The following TOX variants were observed in gnomAD, a reference collection of about 807,000 sequenced individuals.
TOX encodes the protein thymocyte selection-associated high mobility group box protein TOX.
Under a neutral mutation model 53.7 loss-of-function variants are expected in TOX, and 11 were observed. The observed-to-expected ratio is 0.20, with a 90% confidence interval of 0.13 to 0.34. The LOEUF is 0.34. Among genes scored for constraint, TOX ranks in the 10% least tolerant of loss-of-function variants. The probability of loss-of-function intolerance (pLI) is 1.00; values close to 1 mark genes in which losing one functional copy is unlikely to be tolerated. For missense variants in TOX, 570 were observed against 664.6 expected (o/e 0.86, Z 1.56); for synonymous variants, 225 against 245.3 (o/e 0.92, Z 0.77).
At chr8:58,870,159 T>G (rs1438942014) in intron 3 of TOX, among the ~76,000 whole-genome samples, 1 of 152,214 alleles carries the variant, frequency 6.6e-6, no homozygotes, top group Admixed American at 6.5e-5. Context: ...AGTGACATAA[T>G]TGTCTATGTA....
chr8:59,061,106 G>A lies in TOX; in HGVS notation c.102+57780C>T, dbSNP rs111619648. On this transcript the variant is annotated intron_variant, in intron 1 of 8. Coordinates refer to ENST00000361421, the MANE Select transcript of TOX (RefSeq NM_014729.3). The stretch of plus-strand genomic sequence containing the variant: ...ACAGGAGATTACCAAGAGATTGTAC[G>A]GTAAAAATGATAGATTGTAAATAAT... Among the ~76,000 whole-genome samples, 1,233 of 152,174 alleles carry A rather than the reference G, an allele frequency of 8.1e-3. 15 individuals are homozygous for A. The highest frequency in any genetic ancestry group is 0.028 in the African/African-American group (1,176 of 41,516).
At chr8:58,891,125 A>C (rs1008405116) in intron 3 of TOX, among the ~76,000 whole-genome samples, 7 of 151,938 alleles carry the variant, frequency 4.6e-5, no homozygotes, top group Non-Finnish European at 1.0e-4. Flanking sequence ...GGTGATAAAG[A>C]GAGGAAAGAT....
chr8:59,023,265 C>T (rs149495534), intron 1 of TOX, among the ~76,000 whole-genome samples: 141 of 146,688 alleles, frequency 9.6e-4, no homozygotes, highest in African/African-American at 3.3e-3. Flanking sequence ...CCAACCTGTG[C>T]CTGTTACTAT....
chr8:59,039,522 T>C (rs1193599560), intron 1 of TOX, among the ~76,000 whole-genome samples: 1 of 152,222 alleles, frequency 6.6e-6, no homozygotes, highest in Non-Finnish European at 1.5e-5. Flanking sequence ...CTTCATTATT[T>C]CCCTATGCTC....
At chr8:58,969,874 C>T (rs1812971776) in intron 1 of TOX, among the ~76,000 whole-genome samples, 1 of 152,202 alleles carries the variant, frequency 6.6e-6, no homozygotes, top group Non-Finnish European at 1.5e-5. Context: ...CTTATTTATT[C>T]TGCATTGTGA....
At chr8:58,817,491 T>C (rs934982507) in intron 6 of TOX, among the ~76,000 whole-genome samples, 3 of 152,076 alleles carry the variant, frequency 2.0e-5, no homozygotes, top group African/African-American at 7.2e-5. Context: ...AAAGGTCAAA[T>C]GGGTTAATCG....
chr8:58,998,695 A>C (rs1003456226), intron 1 of TOX, among the ~76,000 whole-genome samples: 1 of 148,950 alleles, frequency 6.7e-6, no homozygotes, highest in Non-Finnish European at 1.5e-5. Context: ...AATCAGGAGC[A>C]GCCTAGAAGG....
intron 1 of TOX, among the ~76,000 whole-genome samples, chr8:59,039,429 T>C (rs1803532894): frequency 1.3e-5 from 2 of 152,246 alleles, no homozygotes; most frequent in Non-Finnish European, 2.9e-5. Flanking sequence ...GATTGCTCAC[T>C]GTTCAGCAGT....
At chr8:59,034,799 A>C (rs560184529) in intron 1 of TOX, among the ~76,000 whole-genome samples, 1 of 152,350 alleles carries the variant, frequency 6.6e-6, no homozygotes, top group Non-Finnish European at 1.5e-5. Flanking sequence ...CACGGCTCTC[A>C]TTATGTGCCA....
intron 1 of TOX, among the ~76,000 whole-genome samples, chr8:58,967,042 T>G (rs965067107): frequency 2.0e-5 from 3 of 151,718 alleles, no homozygotes; most frequent in African/African-American, 7.3e-5. Context: ...GCCCGGCTAA[T>G]TTTTTGTATT....
At chr8:58,989,372 G>A (rs1813398629) in intron 1 of TOX, among the ~76,000 whole-genome samples, 1 of 152,072 alleles carries the variant, frequency 6.6e-6, no homozygotes, top group Non-Finnish European at 1.5e-5. Context: ...AGTGCATGGT[G>A]TTATAAAGTG....
chr8:59,022,000 A>T (rs1814145011), intron 1 of TOX, among the ~76,000 whole-genome samples: 1 of 152,190 alleles, frequency 6.6e-6, no homozygotes, highest in African/African-American at 2.4e-5. Context: ...GTTACAAAAT[A>T]GCTCACATTT....
chr8:58,838,945 C>T (rs1227153757), intron 4 of TOX, among the ~76,000 whole-genome samples: 10 of 152,112 alleles, frequency 6.6e-5, no homozygotes, highest in Admixed American at 6.5e-4. Context: ...GGTGATCCAC[C>T]TGCCTTGGCC....
chr8:59,003,399 C>G (rs1346353548), intron 1 of TOX, among the ~76,000 whole-genome samples: 1 of 152,186 alleles, frequency 6.6e-6, no homozygotes, highest in Non-Finnish European at 1.5e-5. Context: ...CCATTCTCAC[C>G]TGATCCTGGC....
At chr8:58,922,184 T>C (rs1272497032) in intron 3 of TOX, among the ~76,000 whole-genome samples, 1 of 152,180 alleles carries the variant, frequency 6.6e-6, no homozygotes, top group Non-Finnish European at 1.5e-5. Flanking sequence ...GTATCCCTGG[T>C]GCCTCAATCA....
intron 4 of TOX, among the ~76,000 whole-genome samples, chr8:58,844,172 A>G (rs1810686112): frequency 6.6e-6 from 1 of 152,134 alleles, no homozygotes; most frequent in African/African-American, 2.4e-5. Flanking sequence ...GTCTCGTAAA[A>G]TTTTCTAGAA....
chr8:58,848,555 T>C (rs1376458681), intron 4 of TOX, among the ~76,000 whole-genome samples: 2 of 152,054 alleles, frequency 1.3e-5, no homozygotes, highest in Non-Finnish European at 2.9e-5. Context: ...ACAATTTCCT[T>C]AAAGAGAAAA....
intron 3 of TOX, among the ~76,000 whole-genome samples, chr8:58,924,691 T>G (rs965481728): frequency 1.3e-5 from 2 of 152,264 alleles, no homozygotes; most frequent in Admixed American, 6.5e-5. Context: ...CTGAGGAAAC[T>G]CTTGTGATCC....
rs16924077 is a variant in TOX, at chr8:58,852,311, G to T, written c.412-506C>A. The stretch of plus-strand genomic sequence containing the variant: ...GTTAATAAGTATACTCTTGTACTCA[G>T]TTTAAAGCTTTACAGGGTATTACTA... On this transcript the variant is annotated intron_variant, in intron 3 of 8. Transcript: ENST00000361421. Among the ~76,000 whole-genome samples the T allele has an allele frequency of 3.3e-3, 504 of 152,244 alleles. 5 individuals carry two copies. Among genetic ancestry groups the T allele is most frequent in the African/African-American group, 0.011 (477 of 41,550 alleles).
Sources: allele counts gnomAD v4.1 joint callset (sites outside exome capture counted in the v4.1 genomes callset), GRCh38; gene constraint gnomAD v4.1.1; transcripts MANE v1.5; gene names NCBI Gene and HGNC (gene_info 2026-07-23, HGNC 2026-07-21).